GYPE: variants seen among roughly 807,000 people sequenced by gnomAD.
GYPE encodes glycophorin E (MNS blood group).
GYPE carries 8 observed loss-of-function variants against 11.6 expected under a neutral mutation model. The observed-to-expected ratio is 0.69, with a 90% CI of 0.41 to 1.25. GYPE has a LOEUF of 1.25. GYPE is among the 50% of genes most tolerant of loss of function. GYPE has a pLI of 0.01. For missense variants in GYPE, 90 were observed against 92.8 expected (o/e 0.97, Z 0.12); for synonymous variants, 28 against 29.6 (o/e 0.94, Z 0.18).
chr4:143,896,777 A>G (rs1180230482), intron 1 of GYPE, among the ~76,000 whole-genome samples: 2 of 152,204 alleles, frequency 1.3e-5, no homozygotes, highest in Non-Finnish European at 2.9e-5. Flanking sequence ...ACAATGATAG[A>G]CTGGATTAAG....
In GYPE at chr4:143,875,981, A is replaced by T. The variant is rs558544409; in HGVS notation, c.*9+765T>A. On this transcript the variant is annotated intron_variant, in intron 3 of 3. Coordinates refer to ENST00000358615, the MANE Select transcript of GYPE (RefSeq NM_198682.3). ...ACAGAGGGAAACTCTGTCTAAAAAA[A>T]AAAAAATAAAAAAAGCATTAATGAT... Among the ~76,000 whole-genome samples the T allele has an allele frequency of 8.4e-4, 128 of 152,218 alleles. 1 individual carries two copies. The highest frequency in any genetic ancestry group is 3.9e-3 in the South Asian group (19 of 4,824).
At chr4:143,902,693 T>C (rs1399596667) in intron 1 of GYPE, among the ~76,000 whole-genome samples, 1 of 152,002 alleles carries the variant, frequency 6.6e-6, no homozygotes, top group South Asian at 2.1e-4. Context: ...AATATGCTAC[T>C]ATAAATACCA....
chr4:143,881,259 C>A (rs1744012484), intron 1 of GYPE, among the ~76,000 whole-genome samples: 2 of 151,246 alleles, frequency 1.3e-5, no homozygotes, highest in South Asian at 4.2e-4. Flanking sequence ...CTTTTAAAAT[C>A]TCATTAAATA....
intron 3 of GYPE, among the ~76,000 whole-genome samples, chr4:143,874,120 G>A (rs867675762): frequency 1.3e-5 from 2 of 152,138 alleles, no homozygotes; most frequent in East Asian, 1.9e-4. Flanking sequence ...ATGTATATAT[G>A]TATTTAGTTT....
intron 1 of GYPE, among the ~76,000 whole-genome samples, chr4:143,904,119 C>T (rs1430623792): frequency 6.6e-6 from 1 of 151,818 alleles, no homozygotes; most frequent in Non-Finnish European, 1.5e-5. Flanking sequence ...TGTTTGTTTT[C>T]TGTTTTCTTT....
chr4:143,872,264 A>G lies in GYPE; in HGVS notation c.*10-12T>C, dbSNP rs1224452714. ...AGAGGCATGAAAACCTAGAAAAAAG[A>G]AAGTAGCTGTATAGCTTTCATTTAC... On this transcript the variant is annotated splice_polypyrimidine_tract_variant and intron_variant, in intron 3 of 3. Transcript: ENST00000358615. 2 of 152,572 alleles carry G rather than the reference A, an allele frequency of 1.3e-5. No individual in the cohort carries two copies. Among genetic ancestry groups the G allele is most frequent in the East Asian group, 1.9e-4 (1 of 5,184 alleles). 9.5% of individuals were successfully genotyped at this position (152,572 alleles called of 1,614,324 possible).
chr4:143,871,481 G>C lies in GYPE; in HGVS notation c.*781C>G, dbSNP rs541742928. On this transcript the variant is annotated 3_prime_UTR_variant, in exon 4 of 4. Transcript: ENST00000358615. ...TGCTGGGGCCAGATCTCTTTGCAGG[G>C]CTATGTTAGGCTTTACACAATGTGA... 6.6e-6 allele frequency: 1 copy of C among 152,264 alleles called. No homozygotes were observed. Among genetic ancestry groups the C allele is most frequent in the South Asian group, 2.1e-4 (1 of 4,814 alleles). The allele number at this position is 152,264 out of a possible 1,614,324, so 9.4% of individuals were successfully genotyped here.
chr4:143,892,617 G>T (rs1744451820), intron 1 of GYPE, among the ~76,000 whole-genome samples: 2 of 152,044 alleles, frequency 1.3e-5, no homozygotes, highest in Non-Finnish European at 2.9e-5. Flanking sequence ...TAGTTGAGCG[G>T]TTTTGAGTGA....
chr4:143,877,530 A>G (rs1578953948), intron 2 of GYPE, among the ~76,000 whole-genome samples: 2 of 152,222 alleles, frequency 1.3e-5, no homozygotes, highest in Middle Eastern at 3.2e-3. Flanking sequence ...AGATATTTCC[A>G]TATTTATAGC....
At chr4:143,891,058 A>C (rs1232605958) in intron 1 of GYPE, among the ~76,000 whole-genome samples, 2 of 152,158 alleles carry the variant, frequency 1.3e-5, no homozygotes, top group East Asian at 3.9e-4. Context: ...GTCTGTTGAG[A>C]GCCCTTAGTA....
At chr4:143,875,780 C>G (rs1743776902) in intron 3 of GYPE, among the ~76,000 whole-genome samples, 2 of 151,874 alleles carry the variant, frequency 1.3e-5, no homozygotes, top group African/African-American at 4.8e-5. Flanking sequence ...ACCAGCCTGG[C>G]CAACACAGCG....
At chr4:143,876,940 T>A (rs1174384452) in intron 2 of GYPE, 85 bp from the exon 3 acceptor site, 2 of 755,834 alleles carry the variant, frequency 2.6e-6, no homozygotes, top group Non-Finnish European at 4.8e-6. Flanking sequence ...AACATCAGCA[T>A]AACATCACCT....
chr4:143,873,475 C>G (rs938449515), intron 3 of GYPE: 4 of 455,480 alleles, frequency 8.8e-6, no homozygotes, highest in African/African-American at 4.0e-5. Flanking sequence ...AATAACACAA[C>G]CTACAAGAGA....
chr4:143,893,866 A>T (rs1408433692), intron 1 of GYPE, among the ~76,000 whole-genome samples: 1 of 152,064 alleles, frequency 6.6e-6, no homozygotes, highest in Non-Finnish European at 1.5e-5. Flanking sequence ...CTGCCTTGCT[A>T]GACTGGGGAA....
chr4:143,883,850 T>A lies in GYPE; in HGVS notation c.38-3341A>T, dbSNP rs1467643232. Among the ~76,000 whole-genome samples, 5 of 151,490 alleles carry A rather than the reference T, an allele frequency of 3.3e-5. No individual in the cohort carries two copies. The South Asian group carries it at 1.0e-3, about 32-fold the overall frequency. On this transcript the variant is annotated intron_variant, in intron 1 of 3. Transcript: ENST00000358615. ...AGAAAAAAAAACAAAAAGTAAAAAA[T>A]AAAAATACACAAAACATAGTCTGTA...
chr4:143,879,667 C>T (rs756864657), intron 2 of GYPE, among the ~76,000 whole-genome samples: 2 of 152,182 alleles, frequency 1.3e-5, no homozygotes, highest in Non-Finnish European at 2.9e-5. Context: ...ACTTCATTAA[C>T]ACTATGAGCT....
At chr4:143,875,962 G>A (rs1178539126) in intron 3 of GYPE, among the ~76,000 whole-genome samples, 24 of 150,432 alleles carry the variant, frequency 1.6e-4, no homozygotes, top group African/African-American at 4.7e-4. Flanking sequence ...GGTGACAGAG[G>A]GAAACTCTGT....
intron 3 of GYPE, among the ~76,000 whole-genome samples, chr4:143,874,020 A>T (rs1160241033): frequency 1.3e-5 from 2 of 152,142 alleles, no homozygotes; most frequent in African/African-American, 4.8e-5. Context: ...TATGTCAATT[A>T]TAAGTAAAAC....
intron 3 of GYPE, 43 bp from the exon 4 acceptor site, chr4:143,872,295 A>C (rs1490481787): frequency 1.3e-5 from 2 of 152,626 alleles, no homozygotes; most frequent in Non-Finnish European, 2.9e-5. Flanking sequence ...TTTACATATA[A>C]GATTGATGTT....
Sources: allele counts gnomAD v4.1 joint callset (sites outside exome capture counted in the v4.1 genomes callset), GRCh38; gene constraint gnomAD v4.1.1; transcripts MANE v1.5; gene names NCBI Gene and HGNC (gene_info 2026-07-23, HGNC 2026-07-21).